Variants in PCMTD1 observed in about 807,000 individuals in gnomAD.
PCMTD1 encodes protein-L-isoaspartate (D-aspartate) O-methyltransferase domain containing 1.
In PCMTD1, 12 loss-of-function variants were observed where a neutral mutation model predicts 37.6. The observed-to-expected ratio is 0.32, with a 90% CI of 0.20 to 0.52. The LOEUF (loss-of-function observed/expected upper bound fraction) is 0.52. PCMTD1 is among the 20% of genes least tolerant of loss of function. The pLI is 0.97. For synonymous variants in PCMTD1, 117 were observed against 135.8 expected, an observed-to-expected ratio of 0.86 and a Z score of 0.96; for missense variants, 235 against 421.3, an observed-to-expected ratio of 0.56 and a Z score of 3.87.
intron 1 of PCMTD1, 127 bp downstream of exon 1, chr8:51,898,803 C>CCCCGA: frequency 1.0e-6 from 1 of 961,932 alleles, no homozygotes; most frequent in Non-Finnish European, 1.4e-6. Flanking sequence ...GTCCCCCTGC[C>CCCCGA]CCCGACTCTT....
chr8:51,845,890 C>T (rs901308260), intron 2 of PCMTD1, 127 bp from the exon 3 acceptor site: 2 of 578,608 alleles, frequency 3.5e-6, no homozygotes, highest in Non-Finnish European at 6.0e-6. Context: ...CAAATACTTC[C>T]TAGCCTCAGA....
At chr8:51,846,385 A>G (rs563389366) in intron 2 of PCMTD1, among the ~76,000 whole-genome samples, 3 of 152,286 alleles carry the variant, frequency 2.0e-5, no homozygotes, top group Admixed American at 6.5e-5. Flanking sequence ...AAGGGGAATG[A>G]ATAGAGGAGA....
chr8:51,832,168 G>A (rs187655467), intron 4 of PCMTD1, among the ~76,000 whole-genome samples: 99 of 152,162 alleles, frequency 6.5e-4, no homozygotes, highest in Admixed American at 6.3e-3. Context: ...AAAGCAGCTC[G>A]TTATTACATC....
rs763715683 is a variant in PCMTD1, at chr8:51,820,464, T to C, written c.961A>G (p.Asn321Asp). Residue 321 changes from asparagine to aspartate, a missense_variant, in exon 6 of 6, where the codon AAT becomes GAT. Transcript: ENST00000522514. The stretch of plus-strand genomic sequence containing the variant: ...GGCTCCTCTGGCTTCATTGCTTCAT[T>C]GTGATCTTTTTCCTCCTCTTCTTTG... ...DNKEEEEKDH[N>D]EAMKPEEPPQ... The C allele has an allele frequency of 6.2e-7, 1 of 1,614,040 alleles. No individual in the cohort carries two copies. The highest frequency in any genetic ancestry group is 8.5e-7 in the Non-Finnish European group (1 of 1,179,954).
intron 1 of PCMTD1, among the ~76,000 whole-genome samples, chr8:51,880,953 C>A (rs568589568): frequency 6.6e-6 from 1 of 152,296 alleles, no homozygotes; most frequent in Admixed American, 6.5e-5. Context: ...ATAAAATAGT[C>A]TTCCAACCAT....
intron 1 of PCMTD1, among the ~76,000 whole-genome samples, chr8:51,869,104 A>C (rs1260452569): frequency 6.6e-6 from 1 of 152,196 alleles, no homozygotes; most frequent in Non-Finnish European, 1.5e-5. Flanking sequence ...AATATAATCA[A>C]TATTAGAATT....
At chr8:51,827,807 AT>A (rs1408962139) in intron 5 of PCMTD1, among the ~76,000 whole-genome samples, 3 of 151,978 alleles carry the variant, frequency 2.0e-5, no homozygotes, top group African/African-American at 7.3e-5. Flanking sequence ...GGTATAATGG[AT>A]TTTTTTTAAT....
chr8:51,880,022 CA>C (rs1265645349), intron 1 of PCMTD1, among the ~76,000 whole-genome samples: 47 of 130,706 alleles, frequency 3.6e-4, no homozygotes, highest in East Asian at 8.7e-4. Context: ...CATCTCTAAC[CA>C]AAAAAAAAAA....
chr8:51,898,495 C>T (rs1024117463), intron 1 of PCMTD1, among the ~76,000 whole-genome samples: 2 of 152,134 alleles, frequency 1.3e-5, no homozygotes. Flanking sequence ...AGTCACTGGG[C>T]GGATCCAAAA....
At chr8:51,890,006 A>AC (rs1431799027) in intron 1 of PCMTD1, among the ~76,000 whole-genome samples, 1 of 152,036 alleles carries the variant, frequency 6.6e-6, no homozygotes, top group East Asian at 1.9e-4. Flanking sequence ...TAACAAAAAA[A>AC]AAAAAAAAAG....
At chr8:51,821,740 GT>G (rs1162378729) in intron 5 of PCMTD1, among the ~76,000 whole-genome samples, 27 of 147,098 alleles carry the variant, frequency 1.8e-4, no homozygotes, top group Middle Eastern at 3.5e-3. Context: ...TTCTGGTTTT[GT>G]TTTTTTTTTT....
chr8:51,848,438 TATA>T (rs1319899327), intron 2 of PCMTD1, among the ~76,000 whole-genome samples: 18 of 152,148 alleles, frequency 1.2e-4, no homozygotes, highest in African/African-American at 3.9e-4. Context: ...AATATATAAA[TATA>T]ATAACAAAGG....
chr8:51,821,792 A>C (rs1359937062), intron 5 of PCMTD1, among the ~76,000 whole-genome samples: 2 of 150,532 alleles, frequency 1.3e-5, no homozygotes, highest in Non-Finnish European at 2.9e-5. Flanking sequence ...GCTGGAGTGC[A>C]GTGGCGTGAT....
Position 51,820,597 on chromosome 8 carries a change from C to A in PCMTD1, c.828G>T (p.Arg276Ser). 22 of 1,611,140 alleles carry A rather than the reference C, an allele frequency of 1.4e-5. No homozygotes were observed. The highest frequency in any genetic ancestry group is 1.9e-5 in the Non-Finnish European group (22 of 1,179,302). ...TTCTCTGTTTAACTCTCTTTCTTTT[C>A]CTTTTGGGTGGAGCCCTTTGAGGAA... ...KGIPQRAPPK[R>S]KRKRVKQRIN... The change falls in exon 6 of 6, where the codon AGG (arginine) becomes AGT (serine). Residue 276 changes from arginine (R) to serine (S), a missense_variant. Coordinates refer to ENST00000522514, the MANE Select transcript of PCMTD1 (RefSeq NM_052937.4).
At chr8:51,845,552 TGCTGCA>T in intron 3 of PCMTD1, 103 bp downstream of exon 3, 3 of 661,970 alleles carry the variant, frequency 4.5e-6, no homozygotes, top group Admixed American at 2.6e-5. Flanking sequence ...CACTGATTTT[TGCTGCA>T]TTCAATTGAG....
chr8:51,832,467 A>G (rs763737374), intron 4 of PCMTD1, among the ~76,000 whole-genome samples: 3 of 152,202 alleles, frequency 2.0e-5, no homozygotes, highest in Admixed American at 6.5e-5. Context: ...ATGTTAAGGG[A>G]ACCCCAAGAT....
chr8:51,839,757 C>G (rs1464337708), intron 3 of PCMTD1: 2 of 368,438 alleles, frequency 5.4e-6, no homozygotes, highest in Non-Finnish European at 7.5e-6. Context: ...GACAATTATT[C>G]CAGTGGAATA....
intron 2 of PCMTD1, among the ~76,000 whole-genome samples, chr8:51,847,281 T>C (rs985030965): frequency 1.3e-5 from 2 of 152,356 alleles, no homozygotes; most frequent in Non-Finnish European, 2.9e-5. Flanking sequence ...TTTCCATAGA[T>C]GTCAACATAT....
chr8:51,859,242 T>TA (rs928897774), intron 2 of PCMTD1, among the ~76,000 whole-genome samples: 1 of 142,940 alleles, frequency 7.0e-6, no homozygotes, highest in Admixed American at 7.0e-5. Context: ...TTCCCCCCTC[T>TA]TTTTTTTTTT....
Sources: allele counts gnomAD v4.1 joint callset (sites outside exome capture counted in the v4.1 genomes callset), GRCh38; gene constraint gnomAD v4.1.1; transcripts MANE v1.5; gene names NCBI Gene and HGNC (gene_info 2026-07-23, HGNC 2026-07-21).